NR3C2: variants seen among roughly 807,000 people sequenced by gnomAD.
NR3C2 encodes nuclear receptor subfamily 3 group C member 2.
Under a neutral mutation model 86.4 loss-of-function variants are expected in NR3C2, and 15 were observed. The observed-to-expected ratio is 0.17, with a 90% confidence interval of 0.12 to 0.27. The LOEUF (loss-of-function observed/expected upper bound fraction) is 0.27. Ranked by LOEUF, NR3C2 falls within the 10% of genes least tolerant of loss-of-function variation. NR3C2 has a pLI of 1.00. For missense variants in NR3C2, 960 were observed against 1,195.6 expected, an observed-to-expected ratio of 0.80 and a Z score of 2.91; for synonymous variants, 458 against 450.5, an observed-to-expected ratio of 1.02 and a Z score of -0.21.
At chr4:148,319,633 G>A (rs535982437) in intron 2 of NR3C2, among the ~76,000 whole-genome samples, 107 of 150,062 alleles carry the variant, frequency 7.1e-4, no homozygotes, top group African/African-American at 2.5e-3. Flanking sequence ...TATTCTCTTT[G>A]AAGCAATTGT....
intron 4 of NR3C2, among the ~76,000 whole-genome samples, chr4:148,192,175 G>C (rs1017168445): frequency 6.6e-6 from 1 of 152,178 alleles, no homozygotes. Context: ...GTCCCACAGG[G>C]TGTTCCCTTG....
intron 3 of NR3C2, among the ~76,000 whole-genome samples, chr4:148,240,926 T>C (rs755133086): frequency 6.6e-6 from 1 of 152,182 alleles, no homozygotes; most frequent in Non-Finnish European, 1.5e-5. Flanking sequence ...CCTCCTGGAT[T>C]TCCTGTTAGG....
At chr4:148,386,247 T>C (rs994551141) in intron 2 of NR3C2, among the ~76,000 whole-genome samples, 1 of 152,062 alleles carries the variant, frequency 6.6e-6, no homozygotes, top group Admixed American at 6.5e-5. Flanking sequence ...ACATGAAGGT[T>C]CAGAAAATAA....
intron 2 of NR3C2, among the ~76,000 whole-genome samples, chr4:148,395,870 T>C (rs763010538): frequency 2.4e-4 from 36 of 152,220 alleles, no homozygotes; most frequent in Non-Finnish European, 4.3e-4. Flanking sequence ...AGTAAAATGA[T>C]TGACCATGTG....
chr4:148,222,965 C>T (rs1351949432), intron 3 of NR3C2, among the ~76,000 whole-genome samples: 1 of 151,844 alleles, frequency 6.6e-6, no homozygotes, highest in Non-Finnish European at 1.5e-5. Flanking sequence ...AGAGGAGAAA[C>T]AGCAAGATAT....
intron 2 of NR3C2, among the ~76,000 whole-genome samples, chr4:148,359,977 A>T (rs1745759923): frequency 6.6e-6 from 1 of 151,696 alleles, no homozygotes; most frequent in Non-Finnish European, 1.5e-5. Flanking sequence ...TGGAGGAGCA[A>T]CCCCGGGGTT....
At chr4:148,114,992 C>A (rs1194868644) in intron 7 of NR3C2, among the ~76,000 whole-genome samples, 1 of 152,180 alleles carries the variant, frequency 6.6e-6, no homozygotes, top group African/African-American at 2.4e-5. Context: ...ATTTTCCTAT[C>A]TCTGAGGTAT....
At chr4:148,347,454 C>T (rs1561055516) in intron 2 of NR3C2, among the ~76,000 whole-genome samples, 1 of 152,106 alleles carries the variant, frequency 6.6e-6, no homozygotes. Flanking sequence ...GTCACGTTCG[C>T]TTACCACTAT....
In NR3C2 at chr4:148,079,688, A is replaced by C. The variant is rs1730451035; in HGVS notation, c.*1656T>G. 1 of 152,664 alleles carries C rather than the reference A, an allele frequency of 6.6e-6. No individual in the cohort carries two copies. Among genetic ancestry groups the C allele is most frequent in the Admixed American group, 6.5e-5 (1 of 15,282 alleles). The allele number at this position is 152,664 out of a possible 1,614,324, so 9.5% of individuals were successfully genotyped here. A position where few individuals can be genotyped will look rare whatever the true frequency, so the allele number is the denominator to read the frequency against. ...TCAGTGCCAAACAAACAGATTAATGAATTAAACATTTTAGTGCCACTGTCT... is the reference window on the plus strand; with the variant it reads ...TCAGTGCCAAACAAACAGATTAATGCATTAAACATTTTAGTGCCACTGTCT... On this transcript the variant is annotated 3_prime_UTR_variant, in exon 9 of 9. Coordinates refer to ENST00000358102, the MANE Select transcript of NR3C2 (RefSeq NM_000901.5).
intron 6 of NR3C2, among the ~76,000 whole-genome samples, chr4:148,121,626 G>C (rs2149734629): frequency 6.6e-6 from 1 of 152,272 alleles, no homozygotes; most frequent in South Asian, 2.1e-4. Context: ...CACCCAGTCT[G>C]GGTGATTATC....
At chr4:148,334,522 A>C (rs560585589) in intron 2 of NR3C2, among the ~76,000 whole-genome samples, 1 of 152,336 alleles carries the variant, frequency 6.6e-6, no homozygotes, top group Non-Finnish European at 1.5e-5. Flanking sequence ...AGCCTGAGTG[A>C]CAGAATGAGA....
At chr4:148,229,405 T>A (rs1738350509) in intron 3 of NR3C2, among the ~76,000 whole-genome samples, 1 of 152,164 alleles carries the variant, frequency 6.6e-6, no homozygotes, top group African/African-American at 2.4e-5. Flanking sequence ...CATGTCTATT[T>A]TTTCCTGGTC....
intron 2 of NR3C2, among the ~76,000 whole-genome samples, chr4:148,295,726 C>G (rs1742015828): frequency 6.6e-6 from 1 of 151,600 alleles, no homozygotes; most frequent in Non-Finnish European, 1.5e-5. Context: ...AACCTAAGCT[C>G]AATCAGGATG....
At chr4:148,186,996 G>GTATATA (rs1162757665) in intron 4 of NR3C2, among the ~76,000 whole-genome samples, 204 of 27,020 alleles carry the variant, frequency 7.5e-3, no homozygotes, top group East Asian at 0.023. Flanking sequence ...GTGTATGTAT[G>GTATATA]TATATATATA....
At chr4:148,385,540 A>T (rs1443632139) in intron 2 of NR3C2, among the ~76,000 whole-genome samples, 1 of 152,240 alleles carries the variant, frequency 6.6e-6, no homozygotes, top group Non-Finnish European at 1.5e-5. Flanking sequence ...AAATGCCTTA[A>T]GAGACCAAAA....
chr4:148,444,860 C>G, upstream of NR3C2: 2 of 984,980 alleles, frequency 2.0e-6, no homozygotes, highest in Non-Finnish European at 2.4e-6. Context: ...CCCTGGGAGC[C>G]GGGAAGTCCG....
intron 2 of NR3C2, among the ~76,000 whole-genome samples, chr4:148,319,433 T>A (rs1231442006): frequency 6.6e-6 from 1 of 152,052 alleles, no homozygotes; most frequent in Non-Finnish European, 1.5e-5. Context: ...GGTAGCTTGA[T>A]GGGGATGGCA....
At chr4:148,159,215 G>A (rs72653819) in intron 4 of NR3C2, among the ~76,000 whole-genome samples, 1 of 151,928 alleles carries the variant, frequency 6.6e-6, no homozygotes, top group South Asian at 2.1e-4. Context: ...AATATCTGTT[G>A]AATAAATTGA....
intron 6 of NR3C2, among the ~76,000 whole-genome samples, chr4:148,126,689 AT>A (rs768602959): frequency 1.3e-5 from 2 of 151,934 alleles, no homozygotes; most frequent in Non-Finnish European, 2.9e-5. Context: ...TAAAGAAAGC[AT>A]TTTTTTTGCC....
Sources: allele counts gnomAD v4.1 joint callset (sites outside exome capture counted in the v4.1 genomes callset), GRCh38; gene constraint gnomAD v4.1.1; transcripts MANE v1.5; gene names NCBI Gene and HGNC (gene_info 2026-07-23, HGNC 2026-07-21).